The following SERINC5 variants were observed in gnomAD, a reference collection of about 807,000 sequenced individuals.
SERINC5 encodes the protein serine incorporator 5.
In SERINC5, 41 loss-of-function variants were observed where a neutral mutation model predicts 63.1. The ratio of observed to expected loss-of-function variants is 0.65; its 90% confidence interval spans 0.51 to 0.84. SERINC5 has a LOEUF of 0.84. Ranked by LOEUF, SERINC5 falls within the 40% of genes least tolerant of loss-of-function variation. The pLI is 0.00. For missense variants in SERINC5, 523 were observed against 573.0 expected, an observed-to-expected ratio of 0.91 and a Z score of 0.89; for synonymous variants, 222 against 215.2, an observed-to-expected ratio of 1.03 and a Z score of -0.28.
At chr5:80,177,629 G>T (rs564387261) in intron 3 of SERINC5, among the ~76,000 whole-genome samples, 6 of 152,194 alleles carry the variant, frequency 3.9e-5, no homozygotes, top group Non-Finnish European at 8.8e-5. Flanking sequence ...GGGTGGAAAT[G>T]ACCTGGGGGA....
chr5:80,130,428 G>A (rs545865400), intron 11 of SERINC5, among the ~76,000 whole-genome samples: 1 of 152,218 alleles, frequency 6.6e-6, no homozygotes, highest in African/African-American at 2.4e-5. Context: ...TGCTGGTTGT[G>A]GTGGCTTGTG....
chr5:80,140,233 G>A lies in SERINC5; in HGVS notation c.*3430C>T. 1.2e-6 allele frequency: 1 copy of A among 851,002 alleles called. No individual in the cohort carries two copies. Among genetic ancestry groups the A allele is most frequent in the Non-Finnish European group, 1.4e-6 (1 of 717,786 alleles). 52.7% of individuals were successfully genotyped at this position (851,002 alleles called of 1,614,324 possible). On this transcript the variant is annotated 3_prime_UTR_variant, in exon 12 of 12. Transcript: ENST00000507668. ...ACTTGGGAGGTGGTCCTTGAGCCCA[G>A]GAGGTCAAGCCTGCCATGAGTCAAG...
chr5:80,158,526 C>A (rs1361303499), intron 8 of SERINC5: 1 of 262,762 alleles, frequency 3.8e-6, no homozygotes, highest in Non-Finnish European at 7.3e-6. Flanking sequence ...ATTCGACCAT[C>A]TTTTAAAGGG....
chr5:80,115,990 A>T lies in SERINC5; in HGVS notation c.1239-2365T>A, dbSNP rs919047902. 1.1e-4 allele frequency: 28 copies of T among 257,326 alleles called. No homozygotes were observed. The South Asian group carries it at 1.1e-3, about 10-fold the overall frequency. 15.9% of individuals were successfully genotyped at this position (257,326 alleles called of 1,614,324 possible). On this transcript the variant is annotated intron_variant, in intron 11 of 12. Transcript: ENST00000509193. ...TTAATTCAACATTGAAAGGGATAGA[A>T]GATGTTAATTCCACACACACGTGAA...
At position 80,139,615 on chromosome 5, in the gene SERINC5, GTCTAAACA is replaced by G. The variant is rs1745383719; in HGVS notation, c.*4040_*4047del. ...GAAGAAAAGAGAGAGAGAGAGAAAG[GTCTAAACA>G]TCTGTGTGAACAGCTCTCCAGTACT... On this transcript the variant is annotated 3_prime_UTR_variant, in exon 12 of 12. Coordinates refer to ENST00000507668, the MANE Select transcript of SERINC5 (RefSeq NM_001174072.3). 6.6e-6 allele frequency: 3 copies of G among 456,858 alleles called. No individual in the cohort carries two copies. The East Asian group carries it at 3.9e-4, about 59-fold the overall frequency. The allele number at this position is 456,858 out of a possible 1,614,324, so 28.3% of individuals were successfully genotyped here.
intron 2 of SERINC5, among the ~76,000 whole-genome samples, chr5:80,196,579 G>C (rs901108972): frequency 1.3e-5 from 2 of 152,108 alleles, no homozygotes; most frequent in African/African-American, 4.8e-5. Context: ...ATCAGTACAC[G>C]AATGTTCACA....
intron 2 of SERINC5, among the ~76,000 whole-genome samples, chr5:80,188,642 TTG>T (rs1240579287): frequency 6.6e-6 from 1 of 152,082 alleles, no homozygotes; most frequent in Non-Finnish European, 1.5e-5. Flanking sequence ...TCTGAGCACT[TTG>T]AGAGGCCAAG....
chr5:80,232,819 G>A (rs986456437), intron 1 of SERINC5, among the ~76,000 whole-genome samples: 13 of 152,100 alleles, frequency 8.5e-5, no homozygotes, highest in African/African-American at 2.4e-4. Context: ...GTACTGACAC[G>A]TGCTACAACA....
In SERINC5 at chr5:80,142,167, T is replaced by G; in HGVS notation, c.*1496A>C. On this transcript the variant is annotated 3_prime_UTR_variant, in exon 12 of 12. Transcript: ENST00000507668. ...CCCGAATGAAATTCTAACAGGAGTT[T>G]CCACCAAGTAAACCTTTTCCCTGCC... is the stretch of plus-strand genomic sequence containing the variant. 3.0e-6 allele frequency: 3 copies of G among 985,402 alleles called. No homozygotes were observed. Among genetic ancestry groups the G allele is most frequent in the Non-Finnish European group, 3.6e-6 (3 of 829,928 alleles). 61.0% of individuals were successfully genotyped at this position (985,402 alleles called of 1,614,324 possible).
intron 1 of SERINC5, among the ~76,000 whole-genome samples, chr5:80,219,809 A>G (rs1415182802): frequency 6.6e-6 from 1 of 152,234 alleles, no homozygotes; most frequent in African/African-American, 2.4e-5. Flanking sequence ...TATCATCAAC[A>G]GAAATGAAAA....
downstream of SERINC5, among the ~76,000 whole-genome samples, chr5:80,136,996 G>A (rs532401134): frequency 6.6e-6 from 1 of 151,938 alleles, no homozygotes; most frequent in Admixed American, 6.6e-5. Flanking sequence ...AATTAGCCAG[G>A]CATTGTGACA....
chr5:80,205,174 G>A (rs995992355), intron 1 of SERINC5, among the ~76,000 whole-genome samples: 19 of 152,218 alleles, frequency 1.2e-4, no homozygotes, highest in South Asian at 2.1e-4. Context: ...ACAGAGATGA[G>A]GGGAGTTTCT....
intron 1 of SERINC5, among the ~76,000 whole-genome samples, chr5:80,227,415 C>A (rs1751217594): frequency 1.3e-5 from 2 of 151,988 alleles, no homozygotes; most frequent in African/African-American, 4.8e-5. Context: ...TGCTATGGTG[C>A]CGTCTCTAGA....
At chr5:80,112,577 T>C (rs1339042901) in intron 12 of SERINC5, among the ~76,000 whole-genome samples, 1 of 152,136 alleles carries the variant, frequency 6.6e-6, no homozygotes, top group Non-Finnish European at 1.5e-5. Flanking sequence ...TGTCTCTGTG[T>C]CTTACTTCTT....
At chr5:80,147,664 C>T (rs1391966032) in intron 9 of SERINC5, among the ~76,000 whole-genome samples, 2 of 151,662 alleles carry the variant, frequency 1.3e-5, no homozygotes, top group Admixed American at 1.3e-4. Flanking sequence ...CACCCTCTGC[C>T]CAATTTTGCC....
intron 11 of SERINC5, among the ~76,000 whole-genome samples, chr5:80,130,113 C>T (rs1266242776): frequency 6.6e-6 from 1 of 152,156 alleles, no homozygotes; most frequent in Non-Finnish European, 1.5e-5. Context: ...GACTTGGTGG[C>T]TCATGCCTAT....
At chr5:80,125,970 A>G (rs1474531463) in intron 11 of SERINC5, among the ~76,000 whole-genome samples, 1 of 152,220 alleles carries the variant, frequency 6.6e-6, no homozygotes, top group African/African-American at 2.4e-5. Flanking sequence ...ACCTAGACTC[A>G]CGCTGGTTCA....
At chr5:80,196,424 A>G (rs982261920) in intron 2 of SERINC5, among the ~76,000 whole-genome samples, 2 of 152,194 alleles carry the variant, frequency 1.3e-5, no homozygotes, top group African/African-American at 2.4e-5. Flanking sequence ...TGAATATCCC[A>G]CATTACTGGT....
intron 5 of SERINC5, among the ~76,000 whole-genome samples, chr5:80,169,766 G>C (rs1580103114): frequency 6.6e-6 from 1 of 152,174 alleles, no homozygotes; most frequent in African/African-American, 2.4e-5. Flanking sequence ...CTCAAGCTGA[G>C]AATTTTCTCT....
Sources: allele counts gnomAD v4.1 joint callset (sites outside exome capture counted in the v4.1 genomes callset), GRCh38; gene constraint gnomAD v4.1.1; transcripts MANE v1.5; gene names NCBI Gene and HGNC (gene_info 2026-07-23, HGNC 2026-07-21).